The following TYK2 variants were observed in gnomAD, a reference collection of about 807,000 sequenced individuals.
TYK2 encodes tyrosine kinase 2, also known as non-receptor tyrosine-protein kinase TYK2.
Under a neutral mutation model 130.9 loss-of-function variants are expected in TYK2, and 65 were observed. The ratio of observed to expected loss-of-function variants is 0.50; its 90% CI spans 0.41 to 0.61. The LOEUF (loss-of-function observed/expected upper bound fraction) is 0.61. Among genes scored for constraint, TYK2 ranks in the 20% least tolerant of loss-of-function variants. The pLI is 0.00. For missense variants in TYK2, 1,378 were observed against 1,610.7 expected (o/e 0.86, Z 2.47); for synonymous variants, 647 against 658.9 (o/e 0.98, Z 0.28).
Position 10,353,964 on chromosome 19 carries a change from C to G in TYK2, c.2908+78G>C, listed in dbSNP as rs983652693. Reference sequence around the variant, plus strand: ...AGAGTCTCTAATTGGCTAGGCCAGACTGGCCCCGCCCACAAGGCCACACCC... The same window carrying G: ...AGAGTCTCTAATTGGCTAGGCCAGAGTGGCCCCGCCCACAAGGCCACACCC... On this transcript the variant is annotated intron_variant, in intron 20 of 24. Transcript: ENST00000525621. This position sits in a 1 kb window ranked among gnomAD's most constrained non-coding sequence, Gnocchi z 6.9. 22 of 1,471,074 alleles carry G rather than the reference C, an allele frequency of 1.5e-5. No individual in the cohort carries two copies. The African/African-American group carries it at 2.2e-4, about 15-fold the overall frequency. 91.1% of individuals were successfully genotyped at this position (1,471,074 alleles called of 1,614,324 possible). A position where few individuals can be genotyped will look rare whatever the true frequency, so the allele number is the denominator to read the frequency against.
Position 10,352,916 on chromosome 19 carries a change from G to A in TYK2, c.3200+10C>T, listed in dbSNP as rs2040885314. 2 of 1,603,092 alleles carry A rather than the reference G, an allele frequency of 1.2e-6. No homozygotes were observed. Among genetic ancestry groups the A allele is most frequent in the Non-Finnish European group, 8.5e-7 (1 of 1,175,914 alleles). On this transcript the variant is annotated intron_variant, in intron 22 of 24. Transcript: ENST00000525621. ...CCAGCACCCCCTCAGACTGCACCCC[G>A]CCTGGTCACCAGAACACGGGGCTGT...
At chr19:10,370,635 G>C (rs143395901) in intron 3 of TYK2, among the ~76,000 whole-genome samples, 2 of 151,790 alleles carry the variant, frequency 1.3e-5, no homozygotes, top group South Asian at 2.1e-4. Flanking sequence ...CTGGCCACCA[G>C]AGCAAAACCT....
chr19:10,354,035 C>G lies in TYK2; in HGVS notation c.2908+7G>C, dbSNP rs1163997352. 1.2e-6 allele frequency: 2 copies of G among 1,613,842 alleles called. No individual in the cohort carries two copies. Among genetic ancestry groups the G allele is most frequent in the Admixed American group, 1.7e-5 (1 of 60,002 alleles). ...CAAGTCTCTAGGACTCGCCGGGTCCCGCCCACCTTGGTCCTCGCAGCAGCC... is the reference window on the plus strand; with the variant it reads ...CAAGTCTCTAGGACTCGCCGGGTCCGGCCCACCTTGGTCCTCGCAGCAGCC... On this transcript the variant is annotated splice_region_variant and intron_variant, in intron 20 of 24. Transcript: ENST00000525621.
Position 10,365,022 on chromosome 19 carries a change from G to A in TYK2, c.1038C>T (p.Asn346=). ...EEGSSGSSGR[N]PQASLFGKKA... is the part of the protein sequence containing the mutation. ...TCTTCCCAAACAGGCTGGCTTGGGG[G>A]TTCCTGCCACTGCTGCCACTAGAAC... Residue 346 remains asparagine (N), a synonymous_variant, in exon 8 of 25, where the codon AAC becomes AAT. Coordinates refer to ENST00000525621, the MANE Select transcript of TYK2 (RefSeq NM_003331.5). 6.2e-7 allele frequency: 1 copy of A among 1,605,634 alleles called. No homozygotes were observed. Among genetic ancestry groups the A allele is most frequent in the Non-Finnish European group, 8.5e-7 (1 of 1,176,338 alleles).
chr19:10,374,197 C>T (rs897983204), intron 3 of TYK2, among the ~76,000 whole-genome samples: 8 of 151,896 alleles, frequency 5.3e-5, no homozygotes, highest in Admixed American at 2.0e-4. Context: ...ACCCGGAAGG[C>T]GGAGCTTGCA....
rs900014035 is a variant in TYK2, at chr19:10,364,493, G to A, written c.1367+121C>T. 51 of 1,229,330 alleles carry A rather than the reference G, an allele frequency of 4.1e-5. No homozygotes were observed. The highest frequency in any genetic ancestry group is 2.0e-4 in the South Asian group (15 of 76,484). The allele number at this position is 1,229,330 out of a possible 1,614,324, so 76.2% of individuals were successfully genotyped here. ...CATGCCACTGCACTCCAGTTTGGGCGACAAAAAATAAAAAAAAAATAAGAC... is the reference window on the plus strand; with the variant it reads ...CATGCCACTGCACTCCAGTTTGGGCAACAAAAAATAAAAAAAAAATAAGAC... On this transcript the variant is annotated intron_variant, in intron 9 of 24. Transcript: ENST00000525621. The surrounding 1 kb of genome is among the most constrained non-coding windows in gnomAD (Gnocchi z 4.9).
At position 10,372,139 on chromosome 19, in the gene TYK2, C is replaced by T. The variant is rs559937952; in HGVS notation, c.194-3721G>A. On this transcript the variant is annotated intron_variant, in intron 3 of 24. Coordinates refer to ENST00000525621, the MANE Select transcript of TYK2 (RefSeq NM_003331.5). ...CCGAGTAGCTGGGACTACAGGCGCCCGCCACCATGCCCAGCTAATTTTTTT... is the reference window on the plus strand; with the variant it reads ...CCGAGTAGCTGGGACTACAGGCGCCTGCCACCATGCCCAGCTAATTTTTTT... Among the ~76,000 whole-genome samples the T allele has an allele frequency of 5.9e-5, 9 of 151,328 alleles. No homozygotes were observed. The South Asian group carries it at 1.0e-3, about 18-fold the overall frequency.
intron 18 of TYK2, among the ~76,000 whole-genome samples, chr19:10,355,835 G>A (rs1271791841): frequency 2.6e-5 from 4 of 151,650 alleles, no homozygotes; most frequent in African/African-American, 7.3e-5. Flanking sequence ...GGTGGTGGGC[G>A]CCTGTAGTCC....
chr19:10,353,476 C>T lies in TYK2; in HGVS notation c.3027+52G>A. ...CTGCACCGGATCGCTCAGGCCAGCC[C>T]AAGCTGAAGAGGAAGGGGCAAGCTC... On this transcript the variant is annotated intron_variant, in intron 21 of 24. Coordinates refer to ENST00000525621, the MANE Select transcript of TYK2 (RefSeq NM_003331.5). The surrounding 1 kb of genome is among the most constrained non-coding windows in gnomAD (Gnocchi z 6.9). 1 of 1,341,800 alleles carries T rather than the reference C, an allele frequency of 7.5e-7. No individual in the cohort carries two copies. The highest frequency in any genetic ancestry group is 1.0e-6 in the Non-Finnish European group (1 of 998,394). 83.1% of individuals were successfully genotyped at this position (1,341,800 alleles called of 1,614,324 possible).
intron 3 of TYK2, among the ~76,000 whole-genome samples, chr19:10,375,830 G>C (rs1039715437): frequency 1.4e-4 from 21 of 151,752 alleles, no homozygotes; most frequent in African/African-American, 5.1e-4. Flanking sequence ...GGGAGGCTGA[G>C]GCCGGAGAAT....
In TYK2 at chr19:10,364,791, C is replaced by T; in HGVS notation, c.1210-20G>A. 1 of 1,614,032 alleles carries T rather than the reference C, an allele frequency of 6.2e-7. No individual in the cohort carries two copies. The highest frequency in any genetic ancestry group is 8.5e-7 in the Non-Finnish European group (1 of 1,180,050). On this transcript the variant is annotated intron_variant, in intron 8 of 24. Transcript: ENST00000525621. The surrounding 1 kb of genome is among the most constrained non-coding windows in gnomAD (Gnocchi z 4.9). ...CAGCTCCTGCCAGCCAGGGGCGCAT[C>T]AGGTGGGTGTCCTCCCAGGCCATGA... is the stretch of plus-strand genomic sequence containing the variant.
At chr19:10,373,616 C>T (rs1489890127) in intron 3 of TYK2, among the ~76,000 whole-genome samples, 1 of 152,082 alleles carries the variant, frequency 6.6e-6, no homozygotes, top group African/African-American at 2.4e-5. Context: ...CAGGCGTGAC[C>T]CACTGTGCCT....
Position 10,378,237 on chromosome 19 carries a change from C to G in TYK2, c.170G>C (p.Cys57Ser), listed in dbSNP as rs2042242880. The G allele has an allele frequency of 3.1e-6, 5 of 1,612,854 alleles. No individual in the cohort carries two copies. The highest frequency in any genetic ancestry group is 3.4e-6 in the Non-Finnish European group (4 of 1,179,966). ...ACCAACTTTATGTGCAATGTGGATG[C>G]AGACTTCCTCAGCTGTCAGCGATGA... ...SESSLTAEEVCIHIAHKVGIT... is the reference protein window; with the variant it reads ...SESSLTAEEVSIHIAHKVGIT... Residue 57 changes from cysteine (C) to serine (S), a missense_variant, in exon 3 of 25, where the codon TGC becomes TCC. Coordinates refer to ENST00000525621, the MANE Select transcript of TYK2 (RefSeq NM_003331.5).
At chr19:10,351,615 C>T (rs745356967) in intron 23 of TYK2, 9 of 233,858 alleles carry the variant, frequency 3.8e-5, no homozygotes, top group South Asian at 1.7e-4. Flanking sequence ...TTTTCTCATC[C>T]GTAAAATAGG....
chr19:10,377,633 T>A, intron 3 of TYK2, among the ~76,000 whole-genome samples: 1 of 45,784 alleles, frequency 2.2e-5, no homozygotes, highest in Non-Finnish European at 4.0e-5. Flanking sequence ...GATGGGTGGG[T>A]GGATGGATGG....
intron 3 of TYK2, chr19:10,368,793 G>A (rs867026276): frequency 1.7e-5 from 4 of 234,996 alleles, no homozygotes; most frequent in South Asian, 5.8e-5. Flanking sequence ...CATCCAACCT[G>A]TACTTGATTT....
intron 17 of TYK2, 102 bp downstream of exon 17, chr19:10,357,662 C>A: frequency 6.7e-7 from 1 of 1,500,414 alleles, no homozygotes; most frequent in South Asian, 1.2e-5. Context: ...GACTTGAAGT[C>A]ACGAGGCCAG....
At chr19:10,372,362 T>C (rs896004312) in intron 3 of TYK2, among the ~76,000 whole-genome samples, 77 of 142,486 alleles carry the variant, frequency 5.4e-4, no homozygotes, top group Non-Finnish European at 1.1e-3. Flanking sequence ...GGTGCAATCA[T>C]GGCTCAGTGC....
Position 10,375,758 on chromosome 19 carries a change from T to C in TYK2, c.193+2456A>G, listed in dbSNP as rs974184961. Among the ~76,000 whole-genome samples, 25 of 112,540 alleles carry C rather than the reference T, an allele frequency of 2.2e-4. No individual in the cohort carries two copies. In the East Asian group the frequency reaches 5.4e-3, roughly 25 times the overall value. The allele number at this position is 112,540 out of a possible 152,430, so 73.8% of individuals were successfully genotyped here. Reference sequence around the variant, plus strand: ...GGTGAAACCCCACCTCTACTAAAAATACAAAAAAAAAAAAAAAATCTAGCC... The same window carrying C: ...GGTGAAACCCCACCTCTACTAAAAACACAAAAAAAAAAAAAAAATCTAGCC... On this transcript the variant is annotated intron_variant, in intron 3 of 24. Coordinates refer to ENST00000525621, the MANE Select transcript of TYK2 (RefSeq NM_003331.5).
Sources: gnomAD v4.1 joint callset for allele counts (sites outside exome capture counted in the v4.1 genomes callset) on GRCh38, gnomAD v4.1.1 for gene constraint, Gnocchi (gnomAD v3.1) non-coding constraint, MANE v1.5 for transcripts, NCBI Gene and HGNC (gene_info 2026-07-23, HGNC 2026-07-21) for gene names.